Variants in MAP3K10 observed in about 807,000 individuals in gnomAD.
MAP3K10 encodes MKN28 derived nonreceptor_type serine/threonine kinase.
In MAP3K10, 22 loss-of-function variants were observed where a neutral mutation model predicts 75.0. The ratio of observed to expected loss-of-function variants is 0.29; its 90% CI spans 0.21 to 0.42. The LOEUF (loss-of-function observed/expected upper bound fraction) is 0.42, where lower values mean the gene tolerates loss of function less well. Ranked by LOEUF, MAP3K10 falls within the 10% of genes least tolerant of loss-of-function variation. MAP3K10 has a pLI of 1.00. For synonymous variants in MAP3K10, 599 were observed against 612.9 expected, an observed-to-expected ratio of 0.98 and a Z score of 0.34; for missense variants, 1,165 against 1,379.8, an observed-to-expected ratio of 0.84 and a Z score of 2.47.
chr19:40,196,610 C>T (rs1447220564), intron 1 of MAP3K10, among the ~76,000 whole-genome samples: 2 of 152,202 alleles, frequency 1.3e-5, no homozygotes, highest in Admixed American at 6.5e-5. Context: ...CCTCTGCCTC[C>T]TGGGTTCAAG....
rs895185638 is a variant in MAP3K10 at position 40,204,216 on chromosome 19, G to A, written c.864-269G>A. The stretch of plus-strand genomic sequence containing the variant: ...CTACAAAAATAAAAATAAGAAAGAT[G>A]GATTTGGCCAGTAGGAACACGGGAC... On this transcript the variant is annotated intron_variant, in intron 2 of 9. Transcript: ENST00000253055. The surrounding 1 kb of genome is among the most constrained non-coding windows in gnomAD (Gnocchi z 4.3). 6.6e-6 allele frequency among the ~76,000 whole-genome samples: 1 copy of A among 152,168 alleles called. No homozygotes were observed. Among genetic ancestry groups the A allele is most frequent in the Non-Finnish European group, 1.5e-5 (1 of 68,036 alleles).
chr19:40,211,850 A>G (rs947249521), intron 6 of MAP3K10, among the ~76,000 whole-genome samples: 1 of 152,094 alleles, frequency 6.6e-6, no homozygotes, highest in Admixed American at 6.5e-5. Context: ...CAGCCTCCCA[A>G]GTAGCTGGGA....
chr19:40,191,966 C>G lies in MAP3K10; in HGVS notation c.-66C>G. 1.7e-6 allele frequency: 2 copies of G among 1,172,436 alleles called. No individual in the cohort carries two copies. Among genetic ancestry groups the G allele is most frequent in the Non-Finnish European group, 2.3e-6 (2 of 877,772 alleles). The allele number at this position is 1,172,436 out of a possible 1,614,324, so 72.6% of individuals were successfully genotyped here. ...CTGCCCTCCATCCCGGCCGCCGGGG[C>G]CCGCCCTCTGCATCCCGCGGGCAGC... On this transcript the variant is annotated 5_prime_UTR_variant, in exon 1 of 10. Coordinates refer to ENST00000253055, the MANE Select transcript of MAP3K10 (RefSeq NM_002446.4).
In MAP3K10 at chr19:40,213,618, G is replaced by T. The variant is rs745377365; in HGVS notation, c.1939G>T (p.Gly647Trp). The T allele has an allele frequency of 6.4e-7, 1 of 1,557,882 alleles. No homozygotes were observed. Among genetic ancestry groups the T allele is most frequent in the Non-Finnish European group, 8.7e-7 (1 of 1,155,186 alleles). ...GCCACTGCCTGCCGAGCCCTCCCCGGGGGCGCGGGCGCCGTGGGAGCCGAC... is the reference window on the plus strand; with the variant it reads ...GCCACTGCCTGCCGAGCCCTCCCCGTGGGCGCGGGCGCCGTGGGAGCCGAC... ...SVPLPAEPSP[G>W]ARAPWEPTPS... Residue 647 changes from glycine to tryptophan, a missense_variant, in exon 9 of 10, where the codon GGG (glycine) becomes TGG (tryptophan). Physicochemically the swap from Gly to Trp is radical, Grantham distance 184 (BLOSUM62 -2). This residue lies in a region of MAP3K10 where 590 missense variants were observed against 586.6 expected (regional missense o/e 1.01). Transcript: ENST00000253055. The surrounding 1 kb of genome is among the most constrained non-coding windows in gnomAD (Gnocchi z 5.7).
chr19:40,204,930 G>A lies in MAP3K10; in HGVS notation c.1013-191G>A, dbSNP rs1463146741. On this transcript the variant is annotated intron_variant, in intron 3 of 9. Transcript: ENST00000253055. This position sits in a 1 kb window ranked among gnomAD's most constrained non-coding sequence, Gnocchi z 4.3. ...CCCTCCTCGGGGTGCAGGTCCCAGG[G>A]TTTCTCTCCCAGCGTTTCACTGAGT... is the stretch of plus-strand genomic sequence containing the variant. 1 of 647,600 alleles carries A rather than the reference G, an allele frequency of 1.5e-6. No individual in the cohort carries two copies. Among genetic ancestry groups the A allele is most frequent in the Non-Finnish European group, 2.7e-6 (1 of 373,018 alleles). 40.1% of individuals were successfully genotyped at this position (647,600 alleles called of 1,614,324 possible).
At chr19:40,208,345 C>CTTTCTTT (rs1555756622) in intron 5 of MAP3K10, among the ~76,000 whole-genome samples, 45 of 55,912 alleles carry the variant, frequency 8.0e-4, no homozygotes, top group Admixed American at 1.4e-3. Flanking sequence ...CTCTTTCTTT[C>CTTTCTTT]TTTTTTTTTT....
chr19:40,197,001 T>G (rs1431788769), intron 1 of MAP3K10, among the ~76,000 whole-genome samples: 11 of 152,176 alleles, frequency 7.2e-5, no homozygotes, highest in Admixed American at 5.2e-4. Flanking sequence ...AGTCAGATTT[T>G]GTCACGATCA....
chr19:40,201,794 CTTTTT>C (rs757199734), intron 2 of MAP3K10, among the ~76,000 whole-genome samples: 1 of 123,412 alleles, frequency 8.1e-6, no homozygotes, highest in African/African-American at 3.1e-5. Context: ...CACACGCCAG[CTTTTT>C]TTTTTTTTTT....
chr19:40,210,684 G>C (rs1973221852), intron 6 of MAP3K10, among the ~76,000 whole-genome samples: 1 of 151,778 alleles, frequency 6.6e-6, no homozygotes, highest in Non-Finnish European at 1.5e-5. Flanking sequence ...CTGGGCGACA[G>C]AGTGAGACTC....
chr19:40,201,175 T>G (rs1353729786), intron 2 of MAP3K10, among the ~76,000 whole-genome samples: 2 of 138,452 alleles, frequency 1.4e-5, no homozygotes, highest in Non-Finnish European at 3.2e-5. Flanking sequence ...GCGTTTTTTG[T>G]TTTTTTTTTT....
At chr19:40,208,268 T>TTCA (rs1973159974) in intron 5 of MAP3K10, among the ~76,000 whole-genome samples, 1 of 151,326 alleles carries the variant, frequency 6.6e-6, no homozygotes, top group Admixed American at 6.6e-5. Context: ...GCCTCCCAGG[T>TTCA]TCATGCCATT....
At chr19:40,210,574 G>A (rs1237485168) in intron 6 of MAP3K10, among the ~76,000 whole-genome samples, 1 of 151,908 alleles carries the variant, frequency 6.6e-6, no homozygotes, top group East Asian at 1.9e-4. Flanking sequence ...GGTGGCGCAT[G>A]CCTGTAATCC....
At chr19:40,211,805 C>G (rs2145095892) in intron 6 of MAP3K10, among the ~76,000 whole-genome samples, 1 of 152,258 alleles carries the variant, frequency 6.6e-6, no homozygotes, top group African/African-American at 2.4e-5. Context: ...CTCACTGCAA[C>G]CTCTGCCTCC....
Position 40,213,712 on chromosome 19 carries a change from G to A in MAP3K10, c.2033G>A (p.Cys678Tyr). 9.3e-7 allele frequency: 1 copy of A among 1,076,126 alleles called. No individual in the cohort carries two copies. Among genetic ancestry groups the A allele is most frequent in the Non-Finnish European group, 1.1e-6 (1 of 887,516 alleles). The allele number at this position is 1,076,126 out of a possible 1,614,324, so 66.7% of individuals were successfully genotyped here. ...CGCTGCGACCTGGCGCTGCTAGGCT[G>A]CGCCACGCTGCTGGGGGCTGTGGGC... The part of the protein sequence containing the change: ...RRRCDLALLG[C>Y]ATLLGAVGLG... Residue 678 changes from cysteine to tyrosine, a missense_variant, in exon 9 of 10, where the codon TGC becomes TAC. Transcript: ENST00000253055. This position sits in a 1 kb window ranked among gnomAD's most constrained non-coding sequence, Gnocchi z 5.7.
chr19:40,214,295 C>T, intron 9 of MAP3K10, 74 bp downstream of exon 9: 2 of 1,345,270 alleles, frequency 1.5e-6, no homozygotes, highest in Non-Finnish European at 1.9e-6. Context: ...CAAGTCCAGC[C>T]CAGCCACGAC....
intron 2 of MAP3K10, among the ~76,000 whole-genome samples, chr19:40,200,055 G>A (rs1457259396): frequency 6.6e-6 from 1 of 152,236 alleles, no homozygotes; most frequent in South Asian, 2.1e-4. Flanking sequence ...GGCACTTTGG[G>A]AGGCCGAGGT....
intron 2 of MAP3K10, among the ~76,000 whole-genome samples, chr19:40,200,814 TG>T (rs2145077587): frequency 6.6e-6 from 1 of 151,984 alleles, no homozygotes; most frequent in South Asian, 2.1e-4. Flanking sequence ...TTCACCATGT[TG>T]GCTAGGCTGG....
At chr19:40,193,056 G>A (rs1972847539) in intron 1 of MAP3K10, among the ~76,000 whole-genome samples, 1 of 152,152 alleles carries the variant, frequency 6.6e-6, no homozygotes, top group African/African-American at 2.4e-5. Flanking sequence ...GAGTCCACCA[G>A]GCAGAGACAA....
chr19:40,208,356 T>TA (rs1354643081), intron 5 of MAP3K10, among the ~76,000 whole-genome samples: 107 of 107,650 alleles, frequency 9.9e-4, no homozygotes, highest in African/African-American at 3.6e-3. Flanking sequence ...TTTTTTTTTT[T>TA]TTTTTTTTTT....
Sources: gnomAD v4.1 joint callset for allele counts (sites outside exome capture counted in the v4.1 genomes callset) on GRCh38, gnomAD v4.1.1 for gene constraint, gnomAD v4.1.1 regional missense constraint, Gnocchi (gnomAD v3.1) non-coding constraint, MANE v1.5 for transcripts, NCBI Gene and HGNC (gene_info 2026-07-23, HGNC 2026-07-21) for gene names.